The following KRCC1 variants were observed in gnomAD, a reference collection of about 807,000 sequenced individuals.
The protein encoded by KRCC1 is lysine rich coiled-coil 1, also known as lysine-rich coiled-coil protein 1.
A neutral mutation model predicts 7.4 loss-of-function variants in KRCC1; 3 were observed. That is an observed-to-expected ratio of 0.40 (90% CI 0.18 to 1.04). The LOEUF is 1.04. Ranked by LOEUF, KRCC1 falls within the 50% of genes least tolerant of loss-of-function variation. The probability of loss-of-function intolerance (pLI) is 0.33; values close to 1 mark genes in which losing one functional copy is unlikely to be tolerated. For synonymous variants in KRCC1, 102 were observed against 101.6 expected, an observed-to-expected ratio of 1.00 and a Z score of -0.02; for missense variants, 277 against 300.9, an observed-to-expected ratio of 0.92 and a Z score of 0.59.
chr2:88,028,296 G>C lies in KRCC1; in HGVS notation c.268C>G (p.Pro90Ala). Residue 90 changes from proline to alanine, a missense_variant, in exon 4 of 4, where the codon CCA becomes GCA. By Grantham distance (27) the Pro-to-Ala change is conservative. Transcript: ENST00000347055. ...TVENRLPQWL[P>A]AHDSRLRLDS... ...AGTCTCAATCTGCTGTCATGGGCTG[G>C]TAACCACTGAGGCAACCGATTTTCC... 1.2e-6 allele frequency: 2 copies of C among 1,614,192 alleles called. No individual in the cohort carries two copies. Among genetic ancestry groups the C allele is most frequent in the Non-Finnish European group, 1.7e-6 (2 of 1,180,036 alleles).
At chr2:88,029,649 T>C (rs1166419063) in intron 3 of KRCC1, among the ~76,000 whole-genome samples, 1 of 151,892 alleles carries the variant, frequency 6.6e-6, no homozygotes, top group Non-Finnish European at 1.5e-5. Context: ...TGAAAAGGGA[T>C]AGGACTGATT....
chr2:88,028,578 G>T lies in KRCC1; in HGVS notation c.-15C>A. The T allele has an allele frequency of 6.3e-7, 1 of 1,583,254 alleles. No homozygotes were observed. Among genetic ancestry groups the T allele is most frequent in the South Asian group, 1.1e-5 (1 of 87,182 alleles). On this transcript the variant is annotated 5_prime_UTR_variant, in exon 4 of 4. Transcript: ENST00000347055. ...GAATGCTTCATTAGGTTGACAAAAC[G>T]GGATTTTCTGCAAAAAAGGGAGAAA...
chr2:88,030,580 G>A lies in KRCC1; in HGVS notation c.-22-1995C>T, dbSNP rs145872899. Among the ~76,000 whole-genome samples the A allele has an allele frequency of 4.6e-3, 705 of 152,194 alleles. 2 individuals are homozygous for A. Among genetic ancestry groups the A allele is most frequent in the African/African-American group, 0.016 (664 of 41,518 alleles). ...TAAAAGCACTGATCAGCAAGTAAAT[G>A]TGAATTAAAACCACAATGAGATACC... On this transcript the variant is annotated intron_variant, in intron 3 of 3. Coordinates refer to ENST00000347055, the MANE Select transcript of KRCC1 (RefSeq NM_016618.3).
intron 1 of KRCC1, among the ~76,000 whole-genome samples, chr2:88,053,172 G>A (rs1458051912): frequency 2.6e-5 from 4 of 151,882 alleles, no homozygotes; most frequent in Admixed American, 6.6e-5. Context: ...TTCCCCCACC[G>A]ACAGATGACC....
chr2:88,052,229 T>A (rs145042920), intron 1 of KRCC1, among the ~76,000 whole-genome samples: 4,736 of 152,310 alleles, frequency 0.031, 103 homozygotes, highest in Middle Eastern at 0.071. Flanking sequence ...GACTTTTTTT[T>A]AAAAAAATAA....
At chr2:88,052,236 A>C (rs1673506452) in intron 1 of KRCC1, among the ~76,000 whole-genome samples, 1 of 152,248 alleles carries the variant, frequency 6.6e-6, no homozygotes, top group South Asian at 2.1e-4. Flanking sequence ...TTTTAAAAAA[A>C]TAATTCACCA....
At chr2:88,048,954 C>T (rs1318479886) in intron 1 of KRCC1, among the ~76,000 whole-genome samples, 10 of 152,186 alleles carry the variant, frequency 6.6e-5, no homozygotes, top group Non-Finnish European at 1.2e-4. Flanking sequence ...AACAATGCAG[C>T]CCAATACCTG....
intron 3 of KRCC1, 56 bp from the exon 4 acceptor site, chr2:88,028,641 GCTC>G (rs1672930242): frequency 1.4e-5 from 10 of 708,494 alleles, no homozygotes; most frequent in Middle Eastern, 8.0e-4. Context: ...CATTTCCTTT[GCTC>G]TTTTTTTTTT....
In KRCC1 at chr2:88,027,925, C is replaced by T. The variant is rs1672906042; in HGVS notation, c.639G>A (p.Lys213=). ...EIETVHVSTE[K]LKNRKEKKSR... is the part of the protein sequence containing the mutation. Reference sequence around the variant, plus strand: ...TTTTTTTCTCCTTTCGATTCTTAAGCTTTTCTGTACTGACATGTACGGTTT... The same window carrying T: ...TTTTTTTCTCCTTTCGATTCTTAAGTTTTTCTGTACTGACATGTACGGTTT... The change falls in exon 4 of 4, where the codon AAG becomes AAA. Residue 213 remains lysine (K), a synonymous_variant. Coordinates refer to ENST00000347055, the MANE Select transcript of KRCC1 (RefSeq NM_016618.3). The T allele has an allele frequency of 1.5e-5, 24 of 1,613,970 alleles. No homozygotes were observed. The highest frequency in any genetic ancestry group is 2.0e-5 in the Non-Finnish European group (24 of 1,180,016).
chr2:88,052,483 T>C (rs4972041), intron 1 of KRCC1, among the ~76,000 whole-genome samples: 35,529 of 152,056 alleles, frequency 0.23, 5,124 homozygotes, highest in Non-Finnish European at 0.3. Flanking sequence ...GATAAAAATT[T>C]CTTGAGGTTT....
intron 1 of KRCC1, among the ~76,000 whole-genome samples, chr2:88,055,250 G>A (rs1455768434): frequency 1.3e-5 from 2 of 152,046 alleles, no homozygotes; most frequent in Admixed American, 1.3e-4. Context: ...TCTCTTCCAC[G>A]TTTGGGCTTT....
chr2:88,053,930 T>C (rs1010921939), intron 1 of KRCC1, among the ~76,000 whole-genome samples: 11 of 152,148 alleles, frequency 7.2e-5, no homozygotes, highest in Admixed American at 6.5e-5. Flanking sequence ...AAAAGCAACA[T>C]AAGGCAACAC....
chr2:88,040,163 C>T (rs540528592), intron 1 of KRCC1, among the ~76,000 whole-genome samples: 2 of 152,238 alleles, frequency 1.3e-5, no homozygotes, highest in South Asian at 4.1e-4. Context: ...ACCAACCAGG[C>T]ATTTCTAAAA....
intron 1 of KRCC1, among the ~76,000 whole-genome samples, chr2:88,047,321 G>T (rs1240652120): frequency 6.6e-6 from 1 of 152,046 alleles, no homozygotes; most frequent in Admixed American, 6.5e-5. Context: ...GGGCTCAAGC[G>T]ATCCTCCTGC....
chr2:88,045,329 T>C (rs867724329), intron 1 of KRCC1, among the ~76,000 whole-genome samples: 6 of 152,218 alleles, frequency 3.9e-5, no homozygotes, highest in South Asian at 4.1e-4. Flanking sequence ...ACAACTCTAA[T>C]GTCCATCCAC....
chr2:88,033,091 C>T (rs540731179), intron 3 of KRCC1, among the ~76,000 whole-genome samples: 3 of 152,138 alleles, frequency 2.0e-5, no homozygotes, highest in South Asian at 2.1e-4. Flanking sequence ...ATTTTTTGGG[C>T]GGTGATGGGT....
chr2:88,047,431 G>T (rs928053029), intron 1 of KRCC1, among the ~76,000 whole-genome samples: 6 of 152,090 alleles, frequency 3.9e-5, no homozygotes, highest in Non-Finnish European at 8.8e-5. Flanking sequence ...TCTCATGTTT[G>T]ATGAATAAAT....
intron 1 of KRCC1, among the ~76,000 whole-genome samples, chr2:88,039,693 A>G (rs1331010461): frequency 6.6e-6 from 1 of 151,674 alleles, no homozygotes; most frequent in Non-Finnish European, 1.5e-5. Context: ...CTCAGAAAAT[A>G]TATATATATT....
chr2:88,046,636 ACT>A (rs1382686041), intron 1 of KRCC1, among the ~76,000 whole-genome samples: 1 of 152,068 alleles, frequency 6.6e-6, no homozygotes, highest in African/African-American at 2.4e-5. Context: ...CCTGATCCTT[ACT>A]CTCTTTTCTA....
Sources: allele counts gnomAD v4.1 joint callset (sites outside exome capture counted in the v4.1 genomes callset), GRCh38; gene constraint gnomAD v4.1.1; transcripts MANE v1.5; gene names NCBI Gene and HGNC (gene_info 2026-07-23, HGNC 2026-07-21).